The following ABCB7 variants were observed in gnomAD, a reference collection of about 807,000 sequenced individuals.
ABCB7 encodes the protein iron-sulfur clusters transporter ABCB7, mitochondrial.
A neutral mutation model predicts 54.4 loss-of-function variants in ABCB7; 7 were observed. That is an observed-to-expected ratio of 0.13 (90% CI 0.07 to 0.24). ABCB7 has a LOEUF of 0.24. ABCB7 is among the 10% of genes least tolerant of loss of function. The pLI, the probability that ABCB7 is intolerant of heterozygous loss-of-function variation, is 1.00. For synonymous variants in ABCB7, 218 were observed against 207.1 expected (o/e 1.05, Z -0.45); for missense variants, 356 against 570.4 (o/e 0.62, Z 3.83).
At chrX:75,108,134 T>G (rs1367721033) in intron 3 of ABCB7, among the ~76,000 whole-genome samples, 1 of 109,130 alleles carries the variant, frequency 9.2e-6, no homozygotes, top group African/African-American at 3.4e-5. Flanking sequence ...GGGAGAGGAG[T>G]GGGAAGGACT....
intron 1 of ABCB7, among the ~76,000 whole-genome samples, chrX:75,152,661 T>A (rs1032067706): frequency 9.1e-6 from 1 of 110,329 alleles, no homozygotes; most frequent in African/African-American, 3.3e-5. Context: ...AGGTCCTTTT[T>A]TTTTTTTCTT....
rs1234635305 is a variant in ABCB7 at position 75,156,173 on chromosome X, C to T, written c.100G>A (p.Val34Ile). 9 of 1,207,905 alleles carry T rather than the reference C, an allele frequency of 7.5e-6. No homozygotes were observed. Among genetic ancestry groups the T allele is most frequent in the South Asian group, 3.6e-5 (2 of 56,076 alleles). ...CTCCACTGCGGACCTGAGCCGCTAA[C>T]AGAGACTAAAGGCCGGATCAGAATC... ...SAILIRPLVSVSGSGPQWRPH... is the reference protein window; with the variant it reads ...SAILIRPLVSISGSGPQWRPH... The change falls in exon 1 of 16, where the codon GTT becomes ATT. Residue 34 changes from valine (V) to isoleucine (I), a missense_variant. Val to Ile is a conservative substitution (Grantham distance 29, BLOSUM62 3). Around this residue, in one of 2 missense-constraint regions of ABCB7, gnomAD observed 115 missense variants for 99.5 expected, o/e 1.16. Coordinates refer to ENST00000373394, the MANE Select transcript of ABCB7 (RefSeq NM_001271696.3).
chrX:75,135,133 AG>A (rs1488756507), intron 1 of ABCB7, among the ~76,000 whole-genome samples: 2 of 109,496 alleles, frequency 1.8e-5, no homozygotes, highest in Non-Finnish European at 3.8e-5. Flanking sequence ...GAAATGACAA[AG>A]GGGACATTAC....
At chrX:75,068,004 T>C (rs1168218476) in intron 12 of ABCB7, among the ~76,000 whole-genome samples, 1 of 111,132 alleles carries the variant, frequency 9.0e-6, no homozygotes, top group Non-Finnish European at 1.9e-5. Context: ...ATATTTAAGG[T>C]ATAGAACATG....
At chrX:75,129,007 AT>A (rs1490719331) in intron 1 of ABCB7, among the ~76,000 whole-genome samples, 1 of 112,093 alleles carries the variant, frequency 8.9e-6, no homozygotes, top group Non-Finnish European at 1.9e-5. Context: ...GGGAGTGTAA[AT>A]TAGTTCAACC....
chrX:75,069,167 G>C (rs1214068451), intron 11 of ABCB7, 31 bp from the exon 12 acceptor site: 2 of 1,205,237 alleles, frequency 1.7e-6, no homozygotes, highest in African/African-American at 3.5e-5. Context: ...AGGTTATTTA[G>C]CTCCTATTAA....
rs2081198136 is a variant in ABCB7 at position 75,051,854 on chromosome X, A to G, written c.*1516T>C. The G allele has an allele frequency of 8.9e-6, 1 of 112,653 alleles. No individual in the cohort carries two copies. The highest frequency in any genetic ancestry group is 1.9e-5 in the Non-Finnish European group (1 of 53,313). 9.3% of individuals were successfully genotyped at this position (112,653 alleles called of 1,213,427 possible). On this transcript the variant is annotated 3_prime_UTR_variant, in exon 16 of 16. Transcript: ENST00000373394. ...CATGTGCATACATGCACGACATCCC[A>G]TTTACTTGTTTCTTTGTAAACTTCG... is the stretch of plus-strand genomic sequence containing the variant.
At chrX:75,126,108 G>A (rs185927647) in intron 1 of ABCB7, among the ~76,000 whole-genome samples, 33 of 111,048 alleles carry the variant, frequency 3.0e-4, no homozygotes, top group Admixed American at 9.6e-5. Flanking sequence ...AAAGCTGGCT[G>A]GCTTGAAAAG....
chrX:75,113,362 C>T lies in ABCB7; in HGVS notation c.247-390G>A, dbSNP rs189159688. Among the ~76,000 whole-genome samples, 8 of 112,089 alleles carry T rather than the reference C, an allele frequency of 7.1e-5. No homozygotes were observed. In the East Asian group the frequency reaches 2.2e-3, roughly 31 times the overall value. On this transcript the variant is annotated intron_variant, in intron 2 of 15. Transcript: ENST00000373394. ...GTTAATTTATATCTCACTTGCTTTC[C>T]TTGTGTATACATTTCTTTTTTATAG... is the stretch of plus-strand genomic sequence containing the variant.
intron 3 of ABCB7, among the ~76,000 whole-genome samples, chrX:75,103,173 TCA>T (rs1456418980): frequency 8.9e-6 from 1 of 111,771 alleles, no homozygotes; most frequent in Non-Finnish European, 1.9e-5. Context: ...TTTCAGGTCT[TCA>T]CCACAAAATC....
Position 75,062,697 on chromosome X carries a change from A to T in ABCB7, c.1832-266T>A, listed in dbSNP as rs144710934. The T allele has an allele frequency of 5.0e-3, 1,576 of 316,845 alleles. 21 individuals are homozygous for T. The highest frequency in any genetic ancestry group is 0.036 in the African/African-American group (1,360 of 37,902). The allele number at this position is 316,845 out of a possible 1,213,427, so 26.1% of individuals were successfully genotyped here. On this transcript the variant is annotated intron_variant, in intron 13 of 15. Coordinates refer to ENST00000373394, the MANE Select transcript of ABCB7 (RefSeq NM_001271696.3). ...ATGAGGCAGTAAGGTAACAACTTTG[A>T]TTCTACTATTATTCTTCTACCAGAA...
chrX:75,134,377 G>A (rs1228813313), intron 1 of ABCB7, among the ~76,000 whole-genome samples: 2 of 111,717 alleles, frequency 1.8e-5, no homozygotes, highest in African/African-American at 6.5e-5. Context: ...CAATAATAGT[G>A]GGATGCTTCA....
intron 4 of ABCB7, among the ~76,000 whole-genome samples, chrX:75,086,759 T>C (rs2081500990): frequency 9.0e-6 from 1 of 111,639 alleles, no homozygotes; most frequent in African/African-American, 3.3e-5. Context: ...ATGAATTATT[T>C]TCCAAGCACT....
At chrX:75,070,321 T>C (rs753434124) in intron 10 of ABCB7, 44 bp downstream of exon 10, 1 of 1,123,368 alleles carries the variant, frequency 8.9e-7, no homozygotes, top group Non-Finnish European at 1.2e-6. Context: ...ACTAATAGGA[T>C]GATGTTCACA....
At chrX:75,083,580 T>C (rs972151531) in intron 4 of ABCB7, among the ~76,000 whole-genome samples, 3 of 109,248 alleles carry the variant, frequency 2.7e-5, no homozygotes, top group African/African-American at 1.0e-4. Flanking sequence ...TTAATAGCTA[T>C]AGAAAAGTTT....
intron 1 of ABCB7, among the ~76,000 whole-genome samples, chrX:75,124,765 T>A (rs183040933): frequency 5.0e-4 from 56 of 111,880 alleles, no homozygotes; most frequent in African/African-American, 1.8e-3. Flanking sequence ...TACGAATCTC[T>A]GAGTACTTCT....
At chrX:75,055,839 A>G (rs906350634) in intron 15 of ABCB7, among the ~76,000 whole-genome samples, 2 of 108,380 alleles carry the variant, frequency 1.8e-5, no homozygotes, top group African/African-American at 6.8e-5. Context: ...GTTGTTTCTG[A>G]TTATTAGATT....
intron 4 of ABCB7, among the ~76,000 whole-genome samples, chrX:75,085,024 G>A (rs1337652232): frequency 8.9e-6 from 1 of 112,153 alleles, no homozygotes; most frequent in Non-Finnish European, 1.9e-5. Flanking sequence ...AACTACTCTG[G>A]ACAACAGCTT....
intron 1 of ABCB7, among the ~76,000 whole-genome samples, chrX:75,124,320 C>G (rs931203136): frequency 1.4e-4 from 16 of 112,137 alleles, no homozygotes; most frequent in African/African-American, 5.2e-4. Context: ...GTAACACCAA[C>G]AGCAAGGCCT....
Sources: gnomAD v4.1 joint callset for allele counts (sites outside exome capture counted in the v4.1 genomes callset) on GRCh38, gnomAD v4.1.1 for gene constraint, gnomAD v4.1.1 regional missense constraint, MANE v1.5 for transcripts, NCBI Gene and HGNC (gene_info 2026-07-23, HGNC 2026-07-21) for gene names.